Variants in DNAH8 observed in about 807,000 individuals in gnomAD.
The protein encoded by DNAH8 is dynein axonemal heavy chain 8, also known as axonemal beta dynein heavy chain 8.
Under a neutral mutation model 562.1 loss-of-function variants are expected in DNAH8, and 382 were observed. The observed-to-expected ratio is 0.68, with a 90% confidence interval of 0.63 to 0.74. The LOEUF (loss-of-function observed/expected upper bound fraction) is 0.74, where lower values mean the gene tolerates loss of function less well. Among genes scored for constraint, DNAH8 ranks in the 30% least tolerant of loss-of-function variants. The pLI is 0.00. For synonymous variants in DNAH8, 1,881 were observed against 1,919.4 expected (o/e 0.98, Z 0.52); for missense variants, 5,203 against 5,620.4 (o/e 0.93, Z 2.37).
chr6:39,012,728 A>T (rs1316856755), intron 91 of DNAH8, 91 bp downstream of exon 91: 8 of 962,348 alleles, frequency 8.3e-6, no homozygotes, highest in Non-Finnish European at 1.1e-5. Context: ...ATAAAACAAT[A>T]TGGAGGCGTA....
At chr6:38,873,412 T>C in intron 52 of DNAH8, 36 bp downstream of exon 52, 9 of 1,544,858 alleles carry the variant, frequency 5.8e-6, no homozygotes, top group Non-Finnish European at 7.8e-6. Context: ...TACTTCGATT[T>C]TGATTTTTTT....
Position 38,765,737 on chromosome 6 carries a change from C to T in DNAH8, c.1617+3934C>T, listed in dbSNP as rs532585416. Among the ~76,000 whole-genome samples, 6 of 152,248 alleles carry T rather than the reference C, an allele frequency of 3.9e-5. No homozygotes were observed. The South Asian group carries it at 1.2e-3, about 32-fold the overall frequency. The stretch of plus-strand genomic sequence containing the variant: ...AAATATACTACAGTATAAAATCAGG[C>T]AGTGTGATGCCTCCAGCTTTGCAAA... On this transcript the variant is annotated intron_variant, in intron 11 of 92. Coordinates refer to ENST00000327475, the MANE Select transcript of DNAH8 (RefSeq NM_001206927.2).
In DNAH8 at chr6:38,872,559, G is replaced by T; in HGVS notation, c.7014G>T (p.Arg2338=). The change falls in exon 50 of 93, where the codon CGG becomes CGT. Residue 2338 remains arginine, a synonymous_variant. Coordinates refer to ENST00000327475, the MANE Select transcript of DNAH8 (RefSeq NM_001206927.2). ...AGTTATATGAGACGTCTTTGGTACG[G>T]CATGGCTTGATGACTCTTGGGCCCA... is the stretch of plus-strand genomic sequence containing the variant. ...LVQLYETSLV[R]HGLMTLGPSG... is the part of the protein sequence containing the mutation. The T allele has an allele frequency of 6.2e-7, 1 of 1,613,978 alleles. No individual in the cohort carries two copies. Among genetic ancestry groups the T allele is most frequent in the Non-Finnish European group, 8.5e-7 (1 of 1,179,920 alleles).
intron 26 of DNAH8, among the ~76,000 whole-genome samples, chr6:38,816,695 C>T (rs1772311715): frequency 6.6e-6 from 1 of 152,188 alleles, no homozygotes; most frequent in Non-Finnish European, 1.5e-5. Flanking sequence ...AATTTACATT[C>T]CCACCAACAG....
At chr6:38,821,485 T>C (rs189327784) in intron 26 of DNAH8, among the ~76,000 whole-genome samples, 7 of 152,264 alleles carry the variant, frequency 4.6e-5, no homozygotes, top group Admixed American at 4.6e-4. Context: ...AAAATTTGAA[T>C]AGAGAATAGG....
chr6:38,929,560 T>C lies in DNAH8; in HGVS notation c.11168T>C (p.Leu3723Pro), dbSNP rs1173809215. Residue 3723 changes from leucine to proline, a missense_variant, in exon 75 of 93, where the codon CTT (leucine) becomes CCT (proline). Coordinates refer to ENST00000327475, the MANE Select transcript of DNAH8 (RefSeq NM_001206927.2). ...KYFRTHLEDS[L>P]SLGRPLLIED... is the part of the protein sequence containing the mutation. ...TTTCGCACACACTTGGAGGACAGCCTTTCCTTGGGCCGACCCCTTCTCATT... is the reference window on the plus strand; with the variant it reads ...TTTCGCACACACTTGGAGGACAGCCCTTCCTTGGGCCGACCCCTTCTCATT... The C allele has an allele frequency of 1.2e-6, 2 of 1,613,026 alleles. No individual in the cohort carries two copies. The highest frequency in any genetic ancestry group is 1.7e-5 in the Admixed American group (1 of 59,944).
chr6:38,994,094 C>T (rs1327332508), intron 88 of DNAH8, among the ~76,000 whole-genome samples: 1 of 152,118 alleles, frequency 6.6e-6, no homozygotes, highest in East Asian at 1.9e-4. Context: ...GAACCTTCAC[C>T]AATATGACAG....
chr6:38,808,733 A>G (rs1771524998), intron 24 of DNAH8, among the ~76,000 whole-genome samples: 1 of 152,258 alleles, frequency 6.6e-6, no homozygotes, highest in Admixed American at 6.5e-5. Context: ...AATGTGGCAC[A>G]TATATACCGT....
At chr6:38,847,548 A>G (rs1173932870) in intron 36 of DNAH8, among the ~76,000 whole-genome samples, 1 of 152,110 alleles carries the variant, frequency 6.6e-6, no homozygotes, top group African/African-American at 2.4e-5. Context: ...CAATTTATGT[A>G]CAACTCCATT....
intron 29 of DNAH8, 85 bp downstream of exon 29, chr6:38,826,476 A>G (rs748524378): frequency 1.2e-6 from 1 of 844,024 alleles, no homozygotes; most frequent in African/African-American, 1.7e-5. Context: ...TGATTCTTTA[A>G]CATATTCATC....
Position 38,883,420 on chromosome 6 carries a change from A to G in DNAH8, c.8100A>G (p.Leu2700=), listed in dbSNP as rs941878442. Residue 2700 remains leucine (L), a synonymous_variant, in exon 55 of 93, where the codon CTA becomes CTG. Transcript: ENST00000327475. ...CTGAAGTACAGCTATCCAAAAGTCT[A>G]AACTTTTCATCTGCCACAGAACCAA... The part of the protein sequence containing the change: ...YDPEVQLSKS[L]NFSSATEPMM... 2.5e-6 allele frequency: 4 copies of G among 1,612,830 alleles called. No individual in the cohort carries two copies. Among genetic ancestry groups the G allele is most frequent in the Non-Finnish European group, 3.4e-6 (4 of 1,179,388 alleles).
intron 7 of DNAH8, among the ~76,000 whole-genome samples, chr6:38,739,474 CTG>C (rs1764358530): frequency 6.6e-6 from 1 of 152,018 alleles, no homozygotes; most frequent in Non-Finnish European, 1.5e-5. Flanking sequence ...AAGGAACAAA[CTG>C]TAAAATGAAC....
At position 38,957,878 on chromosome 6, in the gene DNAH8, A is replaced by C. The variant is rs183892339; in HGVS notation, c.12451+6358A>C. 2.1e-3 allele frequency among the ~76,000 whole-genome samples: 312 copies of C among 151,482 alleles called. 1 individual carries two copies. Among genetic ancestry groups the C allele is most frequent in the Admixed American group, 4.0e-3 (61 of 15,242 alleles). On this transcript the variant is annotated intron_variant, in intron 82 of 92. Transcript: ENST00000327475. ...TAAATGCCTACACCAAAAAAAAAAA[A>C]AAAAAAAAACAAGATCACAAATAAC... is the stretch of plus-strand genomic sequence containing the variant.
At position 38,775,476 on chromosome 6, in the gene DNAH8, C is replaced by T. The variant is rs1738263; in HGVS notation, c.1765-278C>T. ...CACAGGATGAAGCTATTTAGTCAAGCTCCCCGCCACCCTTGAAAGACAAGC... is the reference window on the plus strand; with the variant it reads ...CACAGGATGAAGCTATTTAGTCAAGTTCCCCGCCACCCTTGAAAGACAAGC... On this transcript the variant is annotated intron_variant, in intron 12 of 92. Transcript: ENST00000327475. 0.93 allele frequency among the ~76,000 whole-genome samples: 142,171 copies of T among 152,248 alleles called. 66,452 individuals carry two copies. Among genetic ancestry groups the T allele is most frequent in the African/African-American group, 0.97 (40,207 of 41,560 alleles).
At chr6:38,802,465 A>C (rs1316962504) in intron 21 of DNAH8, among the ~76,000 whole-genome samples, 3 of 152,212 alleles carry the variant, frequency 2.0e-5, no homozygotes, top group Admixed American at 6.5e-5. Context: ...GACTTATTGA[A>C]CTTTATAAAC....
rs547126477 is a variant in DNAH8 at position 38,865,524 on chromosome 6, T to C, written c.6499-1067T>C. On this transcript the variant is annotated intron_variant, in intron 45 of 92. Transcript: ENST00000327475. ...TAAGGATTCTCTTAAGATCCTTTTA[T>C]GGTTCTACTCCATCATGAATTCCAT... Among the ~76,000 whole-genome samples, 11 of 152,370 alleles carry C rather than the reference T, an allele frequency of 7.2e-5. No homozygotes were observed. The South Asian group carries it at 2.1e-3, about 29-fold the overall frequency.
chr6:38,971,722 TG>T, intron 83 of DNAH8, 57 bp downstream of exon 83: 1 of 1,335,228 alleles, frequency 7.5e-7, no homozygotes, highest in Non-Finnish European at 1.0e-6. Context: ...CCCACAATCA[TG>T]GATGTTACCA....
Position 38,911,603 on chromosome 6 carries a change from G to T in DNAH8, c.9859+17G>T, listed in dbSNP as rs746039732. The T allele has an allele frequency of 4.8e-6, 7 of 1,457,108 alleles. No individual in the cohort carries two copies. The highest frequency in any genetic ancestry group is 2.8e-5 in the African/African-American group (2 of 71,400). 90.3% of individuals were successfully genotyped at this position (1,457,108 alleles called of 1,614,324 possible). A position where few individuals can be genotyped will look rare whatever the true frequency, so the allele number is the denominator to read the frequency against. On this transcript the variant is annotated intron_variant, in intron 66 of 92. Transcript: ENST00000327475. ...TGAATATTGGTAAGAGGAATGGAAT[G>T]GAATGGGATGGAATAGAAATAGGGT...
chr6:38,820,129 T>C lies in DNAH8; in HGVS notation c.3524-2709T>C, dbSNP rs542298882. 2.6e-5 allele frequency among the ~76,000 whole-genome samples: 4 copies of C among 152,120 alleles called. No individual in the cohort carries two copies. In the South Asian group the frequency reaches 8.3e-4, roughly 32 times the overall value. Reference sequence around the variant, plus strand: ...AAGAGTTAAAAATAGCTGAGAAAAATTGGTGTTGAAGAAAAGCAAGGTAGG... The same window carrying C: ...AAGAGTTAAAAATAGCTGAGAAAAACTGGTGTTGAAGAAAAGCAAGGTAGG... On this transcript the variant is annotated intron_variant, in intron 26 of 92. Transcript: ENST00000327475.
Sources: gnomAD v4.1 joint callset for allele counts (sites outside exome capture counted in the v4.1 genomes callset) on GRCh38, gnomAD v4.1.1 for gene constraint, MANE v1.5 for transcripts, NCBI Gene and HGNC (gene_info 2026-07-23, HGNC 2026-07-21) for gene names.